DMD: variants seen among roughly 807,000 people sequenced by gnomAD.
DMD encodes the protein mutant dystrophin.
DMD carries 63 observed loss-of-function variants against 330.1 expected under a neutral mutation model. The ratio of observed to expected loss-of-function variants is 0.19; its 90% CI spans 0.16 to 0.24. DMD has a LOEUF of 0.24. Ranked by LOEUF, DMD falls within the 10% of genes least tolerant of loss-of-function variation. DMD has a pLI of 1.00. For synonymous variants in DMD, 1,223 were observed against 959.8 expected (o/e 1.27, Z -5.07); for missense variants, 3,344 against 2,684.1 (o/e 1.25, Z -5.43).
At chrX:31,877,685 G>GTT (rs1556964449) in intron 47 of DMD, among the ~76,000 whole-genome samples, 2 of 111,561 alleles carry the variant, frequency 1.8e-5, no homozygotes, top group South Asian at 7.5e-4. Context: ...GTGTGTGTGT[G>GTT]TGTGTGTGTG....
At chrX:32,408,345 G>A (rs2098127554) in intron 30 of DMD, among the ~76,000 whole-genome samples, 1 of 111,551 alleles carries the variant, frequency 9.0e-6, no homozygotes, top group South Asian at 3.7e-4. Flanking sequence ...CACTAAGGAA[G>A]TGAGCAGCTC....
At chrX:33,132,218 T>C (rs2095503528) in intron 1 of DMD, among the ~76,000 whole-genome samples, 1 of 112,172 alleles carries the variant, frequency 8.9e-6, no homozygotes, top group Non-Finnish European at 1.9e-5. Flanking sequence ...ATGTAACTAA[T>C]GGGGTCAAAA....
chrX:32,406,098 A>G (rs1686889841), intron 30 of DMD, among the ~76,000 whole-genome samples: 1 of 111,546 alleles, frequency 9.0e-6, no homozygotes, highest in South Asian at 3.7e-4. Flanking sequence ...TTGCACATTG[A>G]TTTTGCATGC....
chrX:31,376,898 C>T (rs2059911536), intron 60 of DMD, among the ~76,000 whole-genome samples: 1 of 111,656 alleles, frequency 9.0e-6, no homozygotes, highest in Non-Finnish European at 1.9e-5. Context: ...AGCTTGGTCC[C>T]CTGGAAAGCC....
chrX:31,669,835 A>T (rs2081644555), intron 53 of DMD, among the ~76,000 whole-genome samples: 1 of 96,892 alleles, frequency 1.0e-5, no homozygotes, highest in Admixed American at 1.2e-4. Flanking sequence ...CCACTTGTCA[A>T]TTTCTGAAAA....
intron 1 of DMD, among the ~76,000 whole-genome samples, chrX:33,301,411 T>C (rs1346332529): frequency 8.9e-6 from 1 of 111,828 alleles, no homozygotes; most frequent in Non-Finnish European, 1.9e-5. Context: ...ATGCCAAGCA[T>C]AATGATCTTA....
intron 44 of DMD, among the ~76,000 whole-genome samples, chrX:32,064,576 T>G (rs1197950874): frequency 9.0e-6 from 1 of 111,719 alleles, no homozygotes; most frequent in Non-Finnish European, 1.9e-5. Context: ...TCTCAGCATC[T>G]TAAAGGATTT....
chrX:32,671,638 A>G (rs947847439), intron 9 of DMD, among the ~76,000 whole-genome samples: 5 of 112,108 alleles, frequency 4.5e-5, no homozygotes, highest in Non-Finnish European at 9.4e-5. Flanking sequence ...AAAATGGAAA[A>G]TCATACATCA....
chrX:32,691,067 C>CAT (rs747164461), intron 9 of DMD, among the ~76,000 whole-genome samples: 32 of 109,760 alleles, frequency 2.9e-4, no homozygotes, highest in African/African-American at 7.6e-4. Flanking sequence ...AAATACAAAC[C>CAT]ATATATATAT....
chrX:32,253,815 G>A (rs181664407), intron 43 of DMD, among the ~76,000 whole-genome samples: 20 of 108,125 alleles, frequency 1.8e-4, no homozygotes, highest in African/African-American at 6.1e-4. Flanking sequence ...GTAGAGACAG[G>A]GTTTCACCAT....
rs1252661618 is a variant in DMD, at chrX:31,340,022, C to T, written c.9163+8534G>A. Among the ~76,000 whole-genome samples, 20 of 112,330 alleles carry T rather than the reference C, an allele frequency of 1.8e-4. No homozygotes were observed. In the Admixed American group the frequency reaches 1.9e-3, roughly 11 times the overall value. ...AATTATTAGATGTGCTTAAAGGTTT[C>T]CCCTATTTTTTAAAATTAAGTGTGT... On this transcript the variant is annotated intron_variant, in intron 61 of 78. Coordinates refer to ENST00000357033, the MANE Select transcript of DMD (RefSeq NM_004006.3).
intron 43 of DMD, among the ~76,000 whole-genome samples, chrX:32,242,933 CAAAGGAAAAGGA>C (rs1228615338): frequency 2.3e-5 from 2 of 87,552 alleles, no homozygotes; most frequent in African/African-American, 4.3e-5. Flanking sequence ...CAAAGGAACG[CAAAGGAAAAGGA>C]AAAGGAAAAG....
At chrX:31,608,750 G>C (rs2077740393) in intron 55 of DMD, among the ~76,000 whole-genome samples, 1 of 110,920 alleles carries the variant, frequency 9.0e-6, no homozygotes. Context: ...GGAATGTATA[G>C]ATCTCTTAAG....
intron 16 of DMD, among the ~76,000 whole-genome samples, chrX:32,550,518 G>A (rs1041988834): frequency 1.8e-5 from 2 of 110,759 alleles, no homozygotes; most frequent in Admixed American, 9.7e-5. Flanking sequence ...CTTATGGCAC[G>A]AAACACCCAT....
chrX:32,556,403 C>T (rs376316588), intron 16 of DMD, among the ~76,000 whole-genome samples: 5 of 111,184 alleles, frequency 4.5e-5, no homozygotes, highest in African/African-American at 1.6e-4. Flanking sequence ...GAAGACAATG[C>T]GGAGATTTCT....
chrX:31,797,165 G>GT (rs2091871046), intron 50 of DMD, among the ~76,000 whole-genome samples: 1 of 111,849 alleles, frequency 8.9e-6, no homozygotes, highest in Non-Finnish European at 1.9e-5. Context: ...ATAAGTACAG[G>GT]ATAGGTGATG....
At chrX:32,035,151 G>T (rs2095931985) in intron 44 of DMD, among the ~76,000 whole-genome samples, 1 of 111,380 alleles carries the variant, frequency 9.0e-6, no homozygotes, top group Non-Finnish European at 1.9e-5. Context: ...ATTATTTTAG[G>T]TGTGTTTATA....
At chrX:31,156,955 C>T (rs945760933) in intron 74 of DMD, among the ~76,000 whole-genome samples, 1 of 111,780 alleles carries the variant, frequency 8.9e-6, no homozygotes, top group Non-Finnish European at 1.9e-5. Context: ...TATTGTGTAT[C>T]ATCCATCATC....
At chrX:31,214,187 A>G (rs1054064954) in intron 64 of DMD, among the ~76,000 whole-genome samples, 2 of 112,705 alleles carry the variant, frequency 1.8e-5, no homozygotes, top group Non-Finnish European at 3.7e-5. Flanking sequence ...CTGTGAGACC[A>G]GTTACAATTA....
Sources: allele counts gnomAD v4.1 joint callset (sites outside exome capture counted in the v4.1 genomes callset), GRCh38; gene constraint gnomAD v4.1.1; transcripts MANE v1.5; gene names NCBI Gene and HGNC (gene_info 2026-07-23, HGNC 2026-07-21).